SEMA6A: variants seen among roughly 807,000 people sequenced by gnomAD.
SEMA6A encodes the protein semaphorin 6A.
In SEMA6A, 25 loss-of-function variants were observed where a neutral mutation model predicts 96.8. That is an observed-to-expected ratio of 0.26 (90% CI 0.19 to 0.36). SEMA6A has a LOEUF of 0.36. Among genes scored for constraint, SEMA6A ranks in the 10% least tolerant of loss-of-function variants. The pLI, the probability that SEMA6A is intolerant of heterozygous loss-of-function variation, is 1.00. For synonymous variants in SEMA6A, 612 were observed against 518.0 expected (o/e 1.18, Z -2.46); for missense variants, 1,363 against 1,323.1 (o/e 1.03, Z -0.47).
At chr5:116,562,658 G>T (rs183232569) in intron 1 of SEMA6A, 61 of 704,848 alleles carry the variant, frequency 8.7e-5, no homozygotes, top group African/African-American at 8.6e-4. Flanking sequence ...CCGCCATATC[G>T]TTGCACCCTT....
intron 1 of SEMA6A, among the ~76,000 whole-genome samples, chr5:116,511,892 G>GT (rs1758421843): frequency 6.6e-6 from 1 of 152,218 alleles, no homozygotes; most frequent in South Asian, 2.1e-4. Context: ...TAAGAAAGAA[G>GT]TTGCCTGCTT....
chr5:116,509,531 A>G (rs1401885748), intron 1 of SEMA6A, among the ~76,000 whole-genome samples: 6 of 152,136 alleles, frequency 3.9e-5, no homozygotes, highest in African/African-American at 4.8e-5. Flanking sequence ...GTAATAGTCT[A>G]TAAGATTCCT....
At chr5:116,494,900 CT>C (rs1236786053) in intron 6 of SEMA6A, among the ~76,000 whole-genome samples, 1 of 151,086 alleles carries the variant, frequency 6.6e-6, no homozygotes, top group Non-Finnish European at 1.5e-5. Context: ...TTTAAGAGGG[CT>C]TTTTCCAGCC....
intron 1 of SEMA6A, among the ~76,000 whole-genome samples, chr5:116,559,230 T>A (rs1180398378): frequency 6.6e-6 from 1 of 152,082 alleles, no homozygotes; most frequent in Non-Finnish European, 1.5e-5. Flanking sequence ...GAGCTGAGGG[T>A]GAGCACAATA....
At chr5:116,486,621 T>A in intron 10 of SEMA6A, 128 bp downstream of exon 10, 1 of 715,722 alleles carries the variant, frequency 1.4e-6, no homozygotes. Flanking sequence ...AAGTGTTAAG[T>A]GCTTCTTAGC....
chr5:116,502,509 G>T, intron 2 of SEMA6A, 182 bp from the exon 3 acceptor site: 1 of 542,766 alleles, frequency 1.8e-6, no homozygotes. Context: ...GCTCCTTAAG[G>T]TTCATCAAGT....
intron 1 of SEMA6A, among the ~76,000 whole-genome samples, chr5:116,545,101 A>G (rs439891): frequency 0.28 from 42,052 of 151,864 alleles, 5,980 homozygotes; most frequent in Admixed American, 0.35. Flanking sequence ...GACCTAAGTC[A>G]CCCTTAGTTA....
chr5:116,547,357 G>A (rs1378238775), intron 1 of SEMA6A, among the ~76,000 whole-genome samples: 2 of 152,048 alleles, frequency 1.3e-5, no homozygotes, highest in African/African-American at 4.8e-5. Context: ...CCCTCTGAAT[G>A]TATTCATCCT....
intron 13 of SEMA6A, 101 bp from the exon 14 acceptor site, chr5:116,478,255 C>A: frequency 7.2e-7 from 1 of 1,390,600 alleles, no homozygotes; most frequent in Non-Finnish European, 9.8e-7. Flanking sequence ...ATCTCTTAAT[C>A]TAACTGGCGG....
At chr5:116,501,381 C>T (rs1757872839) in intron 3 of SEMA6A, among the ~76,000 whole-genome samples, 1 of 152,094 alleles carries the variant, frequency 6.6e-6, no homozygotes, top group Non-Finnish European at 1.5e-5. Flanking sequence ...ATAACATTTC[C>T]CCAATGGATG....
intron 1 of SEMA6A, among the ~76,000 whole-genome samples, chr5:116,542,950 G>T (rs555039600): frequency 6.6e-6 from 1 of 152,178 alleles, no homozygotes; most frequent in African/African-American, 2.4e-5. Context: ...TTTGAAGACA[G>T]CATCATTATT....
intron 1 of SEMA6A, among the ~76,000 whole-genome samples, chr5:116,517,864 T>C (rs888374709): frequency 6.6e-6 from 1 of 152,170 alleles, no homozygotes; most frequent in Non-Finnish European, 1.5e-5. Flanking sequence ...ATGGACAGAC[T>C]TCACAGGCTT....
chr5:116,472,178 C>G (rs530305746), intron 17 of SEMA6A: 1 of 152,242 alleles, frequency 6.6e-6, no homozygotes, highest in East Asian at 1.9e-4. Flanking sequence ...GTAAATGGAA[C>G]AGCTCCATTT....
At chr5:116,555,875 T>A (rs567110250) in intron 1 of SEMA6A, among the ~76,000 whole-genome samples, 2 of 152,214 alleles carry the variant, frequency 1.3e-5, no homozygotes, top group East Asian at 3.9e-4. Flanking sequence ...TTGACAGAGA[T>A]CTTTGGGCCC....
intron 18 of SEMA6A, among the ~76,000 whole-genome samples, chr5:116,453,653 C>A (rs552772640): frequency 1.3e-5 from 2 of 152,326 alleles, no homozygotes; most frequent in African/African-American, 4.8e-5. Context: ...TCTGCAGTTT[C>A]TCTTGCCTGA....
intron 1 of SEMA6A, among the ~76,000 whole-genome samples, chr5:116,505,811 A>G (rs1039870532): frequency 6.6e-6 from 1 of 151,846 alleles, no homozygotes. Context: ...GAAGCTCTTT[A>G]TGTGCAGAAA....
chr5:116,497,973 G>T (rs1255541960), intron 3 of SEMA6A, among the ~76,000 whole-genome samples: 1 of 152,156 alleles, frequency 6.6e-6, no homozygotes, highest in Non-Finnish European at 1.5e-5. Flanking sequence ...ATGTACTTAA[G>T]CTAAAGTTTA....
chr5:116,544,530 C>A (rs1760106768), intron 1 of SEMA6A, among the ~76,000 whole-genome samples: 1 of 151,850 alleles, frequency 6.6e-6, no homozygotes, highest in South Asian at 2.1e-4. Context: ...AGTTCCTGGG[C>A]TCAAGTGATC....
At chr5:116,530,514 C>T (rs1487836774) in intron 1 of SEMA6A, among the ~76,000 whole-genome samples, 2 of 152,122 alleles carry the variant, frequency 1.3e-5, no homozygotes, top group African/African-American at 4.8e-5. Flanking sequence ...AGATTGAAAT[C>T]TGGCATCCCA....
Sources: allele counts gnomAD v4.1 joint callset (sites outside exome capture counted in the v4.1 genomes callset), GRCh38; gene constraint gnomAD v4.1.1; transcripts MANE v1.5; gene names NCBI Gene and HGNC (gene_info 2026-07-23, HGNC 2026-07-21).